The following KIAA0586 variants were observed in gnomAD, a reference collection of about 807,000 sequenced individuals.
The protein encoded by KIAA0586 is protein TALPID3.
Under a neutral mutation model 169.8 loss-of-function variants are expected in KIAA0586, and 144 were observed. The observed-to-expected ratio is 0.85, with a 90% CI of 0.74 to 0.97. The LOEUF is 0.97. Among genes scored for constraint, KIAA0586 ranks in the 50% least tolerant of loss-of-function variants. The pLI is 0.00. For synonymous variants in KIAA0586, 625 were observed against 612.4 expected (o/e 1.02, Z -0.30); for missense variants, 1,854 against 1,823.0 (o/e 1.02, Z -0.31).
chr14:58,522,280 G>A (rs1158005440), intron 29 of KIAA0586, among the ~76,000 whole-genome samples: 1 of 152,080 alleles, frequency 6.6e-6, no homozygotes, highest in Non-Finnish European at 1.5e-5. Context: ...TTTATTAACT[G>A]TCTCCAAAAT....
rs771308299 is a variant in KIAA0586, at chr14:58,444,178, A to T, written c.807+3A>T. On this transcript the variant is annotated splice_donor_region_variant and intron_variant, in intron 6 of 30. Transcript: ENST00000652326. ...AACAACAACAAATAGATATTCAGGT[A>T]TCTGTAATAAATCCAGTACAGATTC... is the stretch of plus-strand genomic sequence containing the variant. 206 of 1,575,050 alleles carry T rather than the reference A, an allele frequency of 1.3e-4. No homozygotes were observed. Among genetic ancestry groups the T allele is most frequent in the Non-Finnish European group, 1.7e-4 (200 of 1,145,838 alleles).
intron 2 of KIAA0586, among the ~76,000 whole-genome samples, chr14:58,429,785 T>C (rs1268186344): frequency 1.3e-5 from 2 of 152,188 alleles, no homozygotes; most frequent in Non-Finnish European, 2.9e-5. Context: ...TTTTCTTTAA[T>C]GTGAGGTGTG....
intron 29 of KIAA0586, among the ~76,000 whole-genome samples, chr14:58,514,856 C>A (rs1721675410): frequency 6.6e-6 from 1 of 151,952 alleles, no homozygotes; most frequent in Non-Finnish European, 1.5e-5. Flanking sequence ...TTTGAATGGT[C>A]ATTTCTATTT....
chr14:58,450,828 A>T (rs201605731), intron 8 of KIAA0586, 82 bp downstream of exon 8: 1 of 777,940 alleles, frequency 1.3e-6, no homozygotes, highest in East Asian at 2.7e-5. Flanking sequence ...CTGAAGTGGG[A>T]TCTCTATTTG....
chr14:58,453,085 T>G (rs375858109), intron 8 of KIAA0586, among the ~76,000 whole-genome samples: 24 of 151,904 alleles, frequency 1.6e-4, no homozygotes, highest in African/African-American at 5.8e-4. Flanking sequence ...ACCCAGCTAA[T>G]TTTTTCTATT....
chr14:58,537,101 T>G, intron 29 of KIAA0586: 6 of 1,231,772 alleles, frequency 4.9e-6, no homozygotes, highest in Non-Finnish European at 6.2e-6. Context: ...GTTTGCTGTT[T>G]TAATCATCAA....
At chr14:58,489,851 G>T (rs2042721764) in intron 24 of KIAA0586, among the ~76,000 whole-genome samples, 1 of 151,894 alleles carries the variant, frequency 6.6e-6, no homozygotes, top group East Asian at 1.9e-4. Context: ...AGGATTTTTA[G>T]CTCTTAATCA....
chr14:58,505,167 T>C (rs781301777), intron 27 of KIAA0586, among the ~76,000 whole-genome samples: 10 of 152,182 alleles, frequency 6.6e-5, no homozygotes, highest in Admixed American at 4.6e-4. Context: ...GCATGTACAA[T>C]ATATATGGTA....
At chr14:58,527,204 G>A (rs950050960) in intron 29 of KIAA0586, among the ~76,000 whole-genome samples, 1 of 152,168 alleles carries the variant, frequency 6.6e-6, no homozygotes, top group African/African-American at 2.4e-5. Context: ...ATGGGGCTAT[G>A]TGAAAAGACC....
chr14:58,543,126 C>A (rs1188503825), intron 30 of KIAA0586, among the ~76,000 whole-genome samples: 2 of 95,432 alleles, frequency 2.1e-5, no homozygotes, highest in Admixed American at 1.1e-4. Context: ...AACGAGATTA[C>A]GTCTCAAAAA....
intron 7 of KIAA0586, among the ~76,000 whole-genome samples, 188 bp downstream of exon 7, chr14:58,448,681 C>G (rs2039110492): frequency 6.6e-6 from 1 of 151,690 alleles, no homozygotes; most frequent in African/African-American, 2.4e-5. Context: ...CTCAGGCTAC[C>G]TTGTCTTAGA....
chr14:58,511,491 G>A (rs1595438868), intron 28 of KIAA0586, among the ~76,000 whole-genome samples: 1 of 152,304 alleles, frequency 6.6e-6, no homozygotes, highest in South Asian at 2.1e-4. Flanking sequence ...AACACAGGCA[G>A]TTTAGCTCCT....
intron 29 of KIAA0586, among the ~76,000 whole-genome samples, chr14:58,514,911 T>A (rs1034485613): frequency 1.3e-5 from 2 of 152,132 alleles, no homozygotes; most frequent in African/African-American, 4.8e-5. Flanking sequence ...TCTTTTGCTG[T>A]ACAAATTAAC....
chr14:58,507,255 T>C (rs2044039707), intron 27 of KIAA0586, among the ~76,000 whole-genome samples: 1 of 143,918 alleles, frequency 6.9e-6, no homozygotes, highest in African/African-American at 2.5e-5. Context: ...ATATAAATCA[T>C]GTATGATTTA....
At chr14:58,512,297 GA>G (rs1459670990) in intron 28 of KIAA0586, among the ~76,000 whole-genome samples, 1 of 151,846 alleles carries the variant, frequency 6.6e-6, no homozygotes, top group African/African-American at 2.4e-5. Context: ...CTGTATATAT[GA>G]TCCAAATCTT....
intron 10 of KIAA0586, 98 bp downstream of exon 10, chr14:58,456,908 G>C: frequency 3.1e-4 from 206 of 669,770 alleles, no homozygotes; most frequent in Non-Finnish European, 4.8e-4. Flanking sequence ...GAAGGATGAA[G>C]AAAAAGCACT....
chr14:58,498,714 T>G, intron 26 of KIAA0586, 69 bp from the exon 27 acceptor site: 1 of 1,363,300 alleles, frequency 7.3e-7, no homozygotes, highest in South Asian at 1.5e-5. Flanking sequence ...TCATGATATT[T>G]GGCAAAGATT....
chr14:58,431,075 C>G (rs2037326966), intron 3 of KIAA0586, among the ~76,000 whole-genome samples: 1 of 152,102 alleles, frequency 6.6e-6, no homozygotes, highest in Non-Finnish European at 1.5e-5. Flanking sequence ...GAATTTTCTT[C>G]TTAAGGGTAG....
At chr14:58,561,958 T>C in the KIAA0586 span, among the ~76,000 whole-genome samples, 1 of 152,210 alleles carries the variant, frequency 6.6e-6, no homozygotes, top group Non-Finnish European at 1.5e-5. Context: ...GGCAACCCTT[T>C]TCATGAAGGA....
Sources: gnomAD v4.1 joint callset for allele counts (sites outside exome capture counted in the v4.1 genomes callset) on GRCh38, gnomAD v4.1.1 for gene constraint, MANE v1.5 for transcripts, NCBI Gene and HGNC (gene_info 2026-07-23, HGNC 2026-07-21) for gene names.